The following MYO1E variants were observed in gnomAD, a reference collection of about 807,000 sequenced individuals.
MYO1E encodes unconventional myosin-Ie.
In MYO1E, 68 loss-of-function variants were observed where a neutral mutation model predicts 151.1. That is an observed-to-expected ratio of 0.45 (90% confidence interval 0.37 to 0.55). MYO1E has a LOEUF of 0.55. Ranked by LOEUF, MYO1E falls within the 20% of genes least tolerant of loss-of-function variation. The pLI is 0.00. For missense variants in MYO1E, 1,363 were observed against 1,389.3 expected, an observed-to-expected ratio of 0.98 and a Z score of 0.30; for synonymous variants, 601 against 501.7, an observed-to-expected ratio of 1.20 and a Z score of -2.64.
chr15:59,255,971 T>C (rs937076672), intron 4 of MYO1E, among the ~76,000 whole-genome samples: 2 of 152,142 alleles, frequency 1.3e-5, no homozygotes, highest in African/African-American at 4.8e-5. Flanking sequence ...TGTTCAAACA[T>C]GAACTACTAA....
chr15:59,178,199 C>G (rs1258618845), intron 19 of MYO1E, among the ~76,000 whole-genome samples, 194 bp downstream of exon 19: 1 of 152,162 alleles, frequency 6.6e-6, no homozygotes, highest in Non-Finnish European at 1.5e-5. Context: ...ATGAACCGGG[C>G]AGTGATGGGC....
chr15:59,169,654 C>T (rs1374559442), intron 22 of MYO1E, among the ~76,000 whole-genome samples: 2 of 152,074 alleles, frequency 1.3e-5, no homozygotes, highest in African/African-American at 4.8e-5. Context: ...AAGAAAGGAA[C>T]CTTCCAGATA....
intron 23 of MYO1E, 127 bp downstream of exon 23, chr15:59,163,030 A>C: frequency 1.8e-6 from 2 of 1,091,482 alleles, no homozygotes; most frequent in Non-Finnish European, 2.7e-6. Flanking sequence ...CTAAGGTTCC[A>C]CTGGGGCCAG....
chr15:59,212,773 G>C (rs1369482054), intron 12 of MYO1E: 1 of 152,154 alleles, frequency 6.6e-6, no homozygotes, highest in Admixed American at 6.5e-5. Context: ...CTAAAATATT[G>C]CCATTGCGCA....
rs1327587994 is a variant in MYO1E, at chr15:59,236,607, G to C, written c.398C>G (p.Ser133Cys). Reference protein sequence around the residue: ...KYIMSYISRVSGGGTKVQHVK... With the variant: ...KYIMSYISRVCGGGTKVQHVK... ...CACCTGGACTTTGGTCCCTCCTCCAGACACTCTGGAGATGTAGCTCATGAT... is the reference window on the plus strand; with the variant it reads ...CACCTGGACTTTGGTCCCTCCTCCACACACTCTGGAGATGTAGCTCATGAT... Residue 133 changes from serine (S) to cysteine (C), a missense_variant, in exon 5 of 28, where the codon TCT becomes TGT. Ser to Cys is a moderately radical substitution (Grantham distance 112, BLOSUM62 -1). Coordinates refer to ENST00000288235, the MANE Select transcript of MYO1E (RefSeq NM_004998.4). 1 of 1,613,812 alleles carries C rather than the reference G, an allele frequency of 6.2e-7. No individual in the cohort carries two copies. Among genetic ancestry groups the C allele is most frequent in the Non-Finnish European group, 8.5e-7 (1 of 1,179,830 alleles).
chr15:59,255,252 C>T (rs1405550937), intron 4 of MYO1E, among the ~76,000 whole-genome samples: 1 of 152,002 alleles, frequency 6.6e-6, no homozygotes, highest in African/African-American at 2.4e-5. Context: ...GTAGCTGGGA[C>T]TACAGACAAA....
At chr15:59,149,588 A>G (rs1282499520) in intron 26 of MYO1E, among the ~76,000 whole-genome samples, 1 of 152,240 alleles carries the variant, frequency 6.6e-6, no homozygotes, top group African/African-American at 2.4e-5. Context: ...TAATTTAGTG[A>G]AATCTTCATG....
chr15:59,167,168 G>C (rs1268932060), intron 22 of MYO1E, among the ~76,000 whole-genome samples: 2 of 152,334 alleles, frequency 1.3e-5, no homozygotes, highest in South Asian at 4.1e-4. Flanking sequence ...CAGGCAAGGA[G>C]ACATTCTGGG....
At chr15:59,141,517 G>A (rs1161285177) in intron 26 of MYO1E, among the ~76,000 whole-genome samples, 3 of 152,186 alleles carry the variant, frequency 2.0e-5, no homozygotes, top group African/African-American at 7.2e-5. Context: ...ATATAGGACT[G>A]GCTAGGCATG....
chr15:59,229,674 A>G (rs895137245), intron 6 of MYO1E, among the ~76,000 whole-genome samples: 23 of 147,366 alleles, frequency 1.6e-4, no homozygotes, highest in African/African-American at 5.6e-4. Flanking sequence ...TTCGTAATAC[A>G]TTCTTTAACT....
intron 26 of MYO1E, among the ~76,000 whole-genome samples, chr15:59,142,468 C>G (rs1363291649): frequency 1.3e-5 from 2 of 152,240 alleles, no homozygotes; most frequent in Non-Finnish European, 2.9e-5. Flanking sequence ...CCCACTTGTT[C>G]TGCCCCACCT....
chr15:59,362,227 GTTT>G (rs1464924144), intron 1 of MYO1E, among the ~76,000 whole-genome samples: 1 of 152,134 alleles, frequency 6.6e-6, no homozygotes, highest in Non-Finnish European at 1.5e-5. Context: ...CTTATTTTGT[GTTT>G]TTGACATTTT....
rs544148781 is a variant in MYO1E, at chr15:59,136,660, A to T, written c.*720T>A. Reference sequence around the variant, plus strand: ...TTATAAATGTACAGCTTGAAAAAAGATCCTTCTTGTAGTAAGTACAGCATT... The same window carrying T: ...TTATAAATGTACAGCTTGAAAAAAGTTCCTTCTTGTAGTAAGTACAGCATT... On this transcript the variant is annotated 3_prime_UTR_variant, in exon 28 of 28. Coordinates refer to ENST00000288235, the MANE Select transcript of MYO1E (RefSeq NM_004998.4). The T allele has an allele frequency of 1.0e-4, 47 of 456,260 alleles. No homozygotes were observed. Among genetic ancestry groups the T allele is most frequent in the Admixed American group, 7.8e-4 (33 of 42,526 alleles). 28.3% of individuals were successfully genotyped at this position (456,260 alleles called of 1,614,324 possible). A position where few individuals can be genotyped will look rare whatever the true frequency, so the allele number is the denominator to read the frequency against.
intron 1 of MYO1E, among the ~76,000 whole-genome samples, chr15:59,307,758 G>A (rs1301593419): frequency 1.2e-4 from 18 of 151,936 alleles, no homozygotes; most frequent in African/African-American, 4.3e-4. Flanking sequence ...TTATAGGCAT[G>A]CACCACTATG....
intron 6 of MYO1E, among the ~76,000 whole-genome samples, chr15:59,229,099 C>T (rs2080009988): frequency 6.6e-6 from 1 of 152,182 alleles, no homozygotes; most frequent in Non-Finnish European, 1.5e-5. Context: ...TTCCTTTTGG[C>T]ATGTGATAGA....
Position 59,209,820 on chromosome 15 carries a change from T to C in MYO1E, c.1362+694A>G, listed in dbSNP as rs1199373455. 1.5e-4 allele frequency among the ~76,000 whole-genome samples: 12 copies of C among 82,594 alleles called. 1 individual carries two copies. Among genetic ancestry groups the C allele is most frequent in the African/African-American group, 4.4e-4 (6 of 13,730 alleles). 54.2% of individuals were successfully genotyped at this position (82,594 alleles called of 152,430 possible). ...TCACTTTTATTTTGAATCACCTTTT[T>C]TTTTTTTTTTTTTTTTTTTTTTTTT... On this transcript the variant is annotated intron_variant, in intron 13 of 27. Transcript: ENST00000288235.
chr15:59,343,278 T>C (rs1291360575), intron 1 of MYO1E, among the ~76,000 whole-genome samples: 1 of 152,102 alleles, frequency 6.6e-6, no homozygotes, highest in Non-Finnish European at 1.5e-5. Context: ...TTGCCAGATA[T>C]ACCATTCTAG....
At chr15:59,371,735 C>G (rs2080946082) in intron 1 of MYO1E, among the ~76,000 whole-genome samples, 1 of 152,022 alleles carries the variant, frequency 6.6e-6, no homozygotes, top group African/African-American at 2.4e-5. Context: ...TCCCCTCGCG[C>G]TTGGGAAGGG....
intron 17 of MYO1E, among the ~76,000 whole-genome samples, chr15:59,189,423 T>TC (rs1431485191): frequency 6.6e-6 from 1 of 152,102 alleles, no homozygotes; most frequent in African/African-American, 2.4e-5. Context: ...CCTTTCCCTT[T>TC]CCTTTCTTTC....
Sources: allele counts gnomAD v4.1 joint callset (sites outside exome capture counted in the v4.1 genomes callset), GRCh38; gene constraint gnomAD v4.1.1; transcripts MANE v1.5; gene names NCBI Gene and HGNC (gene_info 2026-07-23, HGNC 2026-07-21).